The following RBM22 variants were observed in gnomAD, a reference collection of about 807,000 sequenced individuals.
RBM22 encodes the protein pre-mRNA-splicing factor RBM22.
RBM22 carries 1 observed loss-of-function variant against 50.1 expected under a neutral mutation model. The ratio of observed to expected loss-of-function variants is 0.02; its 90% confidence interval spans 0.01 to 0.09. RBM22 has a LOEUF of 0.09. RBM22 is among the 10% of genes least tolerant of loss of function. The pLI is 1.00. For synonymous variants in RBM22, 152 were observed against 179.0 expected, an observed-to-expected ratio of 0.85 and a Z score of 1.20; for missense variants, 264 against 529.3, an observed-to-expected ratio of 0.50 and a Z score of 4.92.
intron 3 of RBM22, 47 bp from the exon 4 acceptor site, chr5:150,698,678 G>T: frequency 6.2e-7 from 1 of 1,600,260 alleles, no homozygotes; most frequent in Non-Finnish European, 8.5e-7. Flanking sequence ...TCCTGATCTG[G>T]GCAATCTGGA....
At position 150,696,172 on chromosome 5, in the gene RBM22, T is replaced by C. The variant is rs1039233103; in HGVS notation, c.545+361A>G. On this transcript the variant is annotated intron_variant, in intron 6 of 10. Transcript: ENST00000199814. This position sits in a 1 kb window ranked among gnomAD's most constrained non-coding sequence, Gnocchi z 4.3. The stretch of plus-strand genomic sequence containing the variant: ...AATTAAGAACTCCTAATCCAGATGC[T>C]TGGCAGTCTTAACCAAAACATACAC... Among the ~76,000 whole-genome samples the C allele has an allele frequency of 2.0e-5, 3 of 151,924 alleles. No homozygotes were observed. Among genetic ancestry groups the C allele is most frequent in the African/African-American group, 7.3e-5 (3 of 41,364 alleles).
intron 7 of RBM22, 144 bp downstream of exon 7, chr5:150,695,362 A>G: frequency 1.3e-6 from 1 of 753,986 alleles, no homozygotes; most frequent in East Asian, 2.6e-5. Context: ...AATTTTACAA[A>G]AATTCCAGTC....
chr5:150,700,450 G>T lies in RBM22; in HGVS notation c.102C>A (p.Ile34=), dbSNP rs1261541034. 2.5e-6 allele frequency: 4 copies of T among 1,612,622 alleles called. No individual in the cohort carries two copies. Among genetic ancestry groups the T allele is most frequent in the Non-Finnish European group, 3.4e-6 (4 of 1,178,642 alleles). The stretch of plus-strand genomic sequence containing the variant: ...TTCACACGCGATCACTCACCATTCG[G>T]ATATATGGGTTTTCTCCAAGACATG... ...CQTCLGENPY[I]RMTKEKYGKE... The change falls in exon 2 of 11, where the codon ATC becomes ATA. Residue 34 remains isoleucine (I), a synonymous_variant. Transcript: ENST00000199814.
In RBM22 at chr5:150,691,224, T is replaced by C. The variant is rs1759203828; in HGVS notation, c.*527A>G. The C allele has an allele frequency of 6.6e-6, 1 of 152,320 alleles. No individual in the cohort carries two copies. The highest frequency in any genetic ancestry group is 6.5e-5 in the Admixed American group (1 of 15,270). The allele number at this position is 152,320 out of a possible 1,614,324, so 9.4% of individuals were successfully genotyped here. ...GAGGAAAAGGAGAGGAAAGAGAAGA[T>C]CTGGGCTGTGCTGGTGCTGGTTTCT... On this transcript the variant is annotated 3_prime_UTR_variant, in exon 11 of 11. Transcript: ENST00000199814.
chr5:150,695,794 T>C lies in RBM22; in HGVS notation c.546-88A>G, dbSNP rs543455497. ...CAAGAGTAGCTACATATTAAAGTCCTAGATACATATTCTGAAGTGCCTTTT... is the reference window on the plus strand; with the variant it reads ...CAAGAGTAGCTACATATTAAAGTCCCAGATACATATTCTGAAGTGCCTTTT... On this transcript the variant is annotated intron_variant, in intron 6 of 10. Coordinates refer to ENST00000199814, the MANE Select transcript of RBM22 (RefSeq NM_018047.3). 163 of 1,094,462 alleles carry C rather than the reference T, an allele frequency of 1.5e-4. 1 individual carries two copies. The Admixed American group carries it at 3.6e-3, about 24-fold the overall frequency. 67.8% of individuals were successfully genotyped at this position (1,094,462 alleles called of 1,614,324 possible). A position where few individuals can be genotyped will look rare whatever the true frequency, so the allele number is the denominator to read the frequency against.
intron 4 of RBM22, chr5:150,697,756 C>A: frequency 6.0e-6 from 2 of 334,740 alleles, no homozygotes; most frequent in Non-Finnish European, 1.1e-5. Flanking sequence ...AGTAAAAACT[C>A]TTGTTGAAAA....
chr5:150,694,023 T>C lies in RBM22; in HGVS notation c.911+53A>G, dbSNP rs552242189. 4.4e-6 allele frequency: 7 copies of C among 1,583,706 alleles called. No homozygotes were observed. The African/African-American group carries it at 5.4e-5, about 12-fold the overall frequency. On this transcript the variant is annotated intron_variant, in intron 8 of 10. Coordinates refer to ENST00000199814, the MANE Select transcript of RBM22 (RefSeq NM_018047.3). Reference sequence around the variant, plus strand: ...GCCTACTAGTCTCCAGAAAATGAAATAGTTTCTTAAAAATCTAAGCAAAAT... The same window carrying C: ...GCCTACTAGTCTCCAGAAAATGAAACAGTTTCTTAAAAATCTAAGCAAAAT...
At position 150,691,219 on chromosome 5, in the gene RBM22, G is replaced by C. The variant is rs554977452; in HGVS notation, c.*532C>G. On this transcript the variant is annotated 3_prime_UTR_variant, in exon 11 of 11. Transcript: ENST00000199814. ...TAAATGAGGAAAAGGAGAGGAAAGA[G>C]AAGATCTGGGCTGTGCTGGTGCTGG... 5 of 152,464 alleles carry C rather than the reference G, an allele frequency of 3.3e-5. No homozygotes were observed. Among genetic ancestry groups the C allele is most frequent in the Admixed American group, 1.3e-4 (2 of 15,298 alleles). 9.4% of individuals were successfully genotyped at this position (152,464 alleles called of 1,614,324 possible). A position where few individuals can be genotyped will look rare whatever the true frequency, so the allele number is the denominator to read the frequency against.
chr5:150,694,035 A>C (rs757194198), intron 8 of RBM22, 41 bp downstream of exon 8: 12 of 1,591,722 alleles, frequency 7.5e-6, no homozygotes, highest in Non-Finnish European at 2.6e-6. Context: ...GTTTCTTAAA[A>C]ATCTAAGCAA....
At chr5:150,699,551 A>T (rs955904635) in intron 2 of RBM22, among the ~76,000 whole-genome samples, 1 of 152,234 alleles carries the variant, frequency 6.6e-6, no homozygotes, top group Admixed American at 6.5e-5. Context: ...TTGAGAGGCC[A>T]AGGTGGAAGG....
intron 3 of RBM22, 150 bp downstream of exon 3, chr5:150,699,092 T>C (rs1290882475): frequency 7.1e-6 from 8 of 1,128,954 alleles, no homozygotes; most frequent in African/African-American, 1.6e-5. Context: ...CATAAACAGT[T>C]GCCAGCCAAT....
chr5:150,695,807 T>C, intron 6 of RBM22, 101 bp from the exon 7 acceptor site: 1 of 951,022 alleles, frequency 1.1e-6, no homozygotes, highest in Non-Finnish European at 1.6e-6. Flanking sequence ...ATACATATTC[T>C]GAAGTGCCTT....
rs1038478751 is a variant in RBM22, at chr5:150,690,927, G to A, written c.*824C>T. 12 of 152,304 alleles carry A rather than the reference G, an allele frequency of 7.9e-5. No homozygotes were observed. The highest frequency in any genetic ancestry group is 2.9e-4 in the African/African-American group (12 of 41,426). The allele number at this position is 152,304 out of a possible 1,614,324, so 9.4% of individuals were successfully genotyped here. A position where few individuals can be genotyped will look rare whatever the true frequency, so the allele number is the denominator to read the frequency against. On this transcript the variant is annotated 3_prime_UTR_variant, in exon 11 of 11. Transcript: ENST00000199814. ...TGACAATGAGACACTGAAGACACACGAAGGTGAATGCTGAAGACCATCAGA... is the reference window on the plus strand; with the variant it reads ...TGACAATGAGACACTGAAGACACACAAAGGTGAATGCTGAAGACCATCAGA...
In RBM22 at chr5:150,691,338, T is replaced by G. The variant is rs1010603198; in HGVS notation, c.*413A>C. On this transcript the variant is annotated 3_prime_UTR_variant, in exon 11 of 11. Transcript: ENST00000199814. ...TACTAGTTATCTTTTTTTAAGATGA[T>G]AAAAAGGAAAGTATCCAATGGACAT... 3 of 153,182 alleles carry G rather than the reference T, an allele frequency of 2.0e-5. No individual in the cohort carries two copies. The Admixed American group carries it at 2.0e-4, about 10-fold the overall frequency. 9.5% of individuals were successfully genotyped at this position (153,182 alleles called of 1,614,324 possible).
At position 150,693,037 on chromosome 5, in the gene RBM22, G is replaced by T. The variant is rs377222999; in HGVS notation, c.1001-11C>A. 3 of 1,601,340 alleles carry T rather than the reference G, an allele frequency of 1.9e-6. No homozygotes were observed. Among genetic ancestry groups the T allele is most frequent in the South Asian group, 2.3e-5 (2 of 88,846 alleles). On this transcript the variant is annotated splice_polypyrimidine_tract_variant and intron_variant, in intron 9 of 10. Transcript: ENST00000199814. ...GAGGAGGAGGAAGAGCTGGAGGAGAGAAAATAGTCAACACATAGAGGGGAG... is the reference window on the plus strand; with the variant it reads ...GAGGAGGAGGAAGAGCTGGAGGAGATAAAATAGTCAACACATAGAGGGGAG...
At position 150,692,980 on chromosome 5, in the gene RBM22, G is replaced by A. The variant is rs762657410; in HGVS notation, c.1047C>T (p.Tyr349=). Residue 349 remains tyrosine, a synonymous_variant, in exon 10 of 11, where the codon TAC becomes TAT. Coordinates refer to ENST00000199814, the MANE Select transcript of RBM22 (RefSeq NM_018047.3). ...PAAEEEASAN[Y]FNLPPSGPPA... ...GAGGACCACTTGGGGGCAAGTTGAA[G>A]TAGTTGGCAGAGGCTTCTTCTTCTG... The A allele has an allele frequency of 1.2e-6, 2 of 1,613,298 alleles. No homozygotes were observed. The highest frequency in any genetic ancestry group is 1.7e-6 in the Non-Finnish European group (2 of 1,179,608).
At chr5:150,700,677 G>A (rs1384797488) in intron 1 of RBM22, 180 bp from the exon 2 acceptor site, 7 of 1,526,678 alleles carry the variant, frequency 4.6e-6, no homozygotes, top group South Asian at 3.6e-5. Flanking sequence ...CAGGCGGCGG[G>A]AGAAAAGAAA....
intron 8 of RBM22, among the ~76,000 whole-genome samples, 173 bp from the exon 9 acceptor site, chr5:150,693,480 G>GA (rs1200606138): frequency 6.6e-6 from 1 of 152,148 alleles, no homozygotes; most frequent in Non-Finnish European, 1.5e-5. Flanking sequence ...TTTGACACCA[G>GA]AAAAGACCTG....
intron 2 of RBM22, 89 bp downstream of exon 2, chr5:150,700,355 T>G: frequency 1.5e-6 from 2 of 1,306,868 alleles, no homozygotes; most frequent in Non-Finnish European, 2.2e-6. Flanking sequence ...CATCATTTTT[T>G]CTGCTTGTCT....
Sources: allele counts gnomAD v4.1 joint callset (sites outside exome capture counted in the v4.1 genomes callset), GRCh38; gene constraint gnomAD v4.1.1; non-coding constraint Gnocchi (gnomAD v3.1); transcripts MANE v1.5; gene names NCBI Gene and HGNC (gene_info 2026-07-23, HGNC 2026-07-21).